NRG1: variants seen among roughly 807,000 people sequenced by gnomAD.
NRG1 encodes neuregulin 1.
In NRG1, 18 loss-of-function variants were observed where a neutral mutation model predicts 63.8. The ratio of observed to expected loss-of-function variants is 0.28; its 90% CI spans 0.19 to 0.42. The LOEUF (loss-of-function observed/expected upper bound fraction) is 0.42, where lower values mean the gene tolerates loss of function less well. Ranked by LOEUF, NRG1 falls within the 10% of genes least tolerant of loss-of-function variation. The pLI is 1.00. For synonymous variants in NRG1, 302 were observed against 301.3 expected, an observed-to-expected ratio of 1.00 and a Z score of -0.02; for missense variants, 762 against 814.7, an observed-to-expected ratio of 0.94 and a Z score of 0.79.
intron 1 of NRG1, among the ~76,000 whole-genome samples, chr8:32,191,474 A>G (rs1842487814): frequency 6.6e-6 from 1 of 151,186 alleles, no homozygotes; most frequent in Non-Finnish European, 1.5e-5. Flanking sequence ...ATGTAAATCG[A>G]CTCTTCCCTT....
At position 31,929,716 on chromosome 8, in the gene NRG1, C is replaced by T. The variant is rs987932725; in HGVS notation, c.37+290285C>T. 5.3e-5 allele frequency among the ~76,000 whole-genome samples: 8 copies of T among 152,272 alleles called. No homozygotes were observed. The South Asian group carries it at 6.2e-4, about 12-fold the overall frequency. On this transcript the variant is annotated intron_variant, in intron 1 of 10. Coordinates refer to the NRG1 transcript ENST00000519301. ...ATAACTTCCTGTTATCCTTTCACTA[C>T]CTTTGATAACACACTAAATTTTTCT...
At chr8:32,032,675 A>T (rs898828467) in intron 1 of NRG1, among the ~76,000 whole-genome samples, 1 of 152,074 alleles carries the variant, frequency 6.6e-6, no homozygotes, top group African/African-American at 2.4e-5. Flanking sequence ...TGGGTGTTAG[A>T]CCTTTGTCAG....
chr8:32,672,374 T>C (rs1347241247), intron 5 of NRG1, among the ~76,000 whole-genome samples: 1 of 152,240 alleles, frequency 6.6e-6, no homozygotes, highest in East Asian at 1.9e-4. Context: ...TTTTTAAATA[T>C]TTTTTATTCA....
At chr8:32,358,351 G>C (rs7824252) in intron 1 of NRG1, among the ~76,000 whole-genome samples, 2 of 114,018 alleles carry the variant, frequency 1.8e-5, no homozygotes, top group African/African-American at 6.8e-5. Context: ...AAGATCAACC[G>C]ATAGAATGCC....
chr8:32,029,382 C>T (rs1013434927), intron 1 of NRG1: 3 of 152,118 alleles, frequency 2.0e-5, no homozygotes, highest in Admixed American at 6.5e-5. Context: ...ATTCCAGAAT[C>T]GGGCAGCCAT....
Position 31,776,196 on chromosome 8 carries a change from G to T in NRG1, c.37+136765G>T, listed in dbSNP as rs144214216. Among the ~76,000 whole-genome samples, 3 of 152,286 alleles carry T rather than the reference G, an allele frequency of 2.0e-5. No individual in the cohort carries two copies. In the East Asian group the frequency reaches 5.8e-4, roughly 29 times the overall value. On this transcript the variant is annotated intron_variant, in intron 1 of 10. Transcript: ENST00000519301. ...AGGGGTTGGCCAAAGCCCTCAGAGG[G>T]TTGTAGGCCATGAAAGTTCGAGAAC...
chr8:31,730,617 G>A (rs1448587488), intron 1 of NRG1, among the ~76,000 whole-genome samples: 1 of 152,070 alleles, frequency 6.6e-6, no homozygotes, highest in South Asian at 2.1e-4. Flanking sequence ...GCAAAACATA[G>A]AAGGATTATA....
chr8:32,246,734 T>C (rs1414867226), intron 1 of NRG1, among the ~76,000 whole-genome samples: 2 of 152,042 alleles, frequency 1.3e-5, no homozygotes, highest in African/African-American at 4.8e-5. Context: ...AAAACAAAGA[T>C]AGTATGTTCT....
At chr8:32,200,775 G>A (rs1029400763) in intron 1 of NRG1, among the ~76,000 whole-genome samples, 25 of 152,160 alleles carry the variant, frequency 1.6e-4, no homozygotes, top group African/African-American at 5.8e-4. Context: ...ATTCCCGTTT[G>A]CATTCCATCA....
At chr8:32,047,258 A>G (rs1408759492) in intron 1 of NRG1, among the ~76,000 whole-genome samples, 1 of 152,048 alleles carries the variant, frequency 6.6e-6, no homozygotes, top group African/African-American at 2.4e-5. Flanking sequence ...CAAAGACTTG[A>G]AAAGGGATCA....
chr8:31,934,477 G>A (rs383414), intron 1 of NRG1, among the ~76,000 whole-genome samples: 118,696 of 139,328 alleles, frequency 0.85, 51,160 homozygotes, highest in Non-Finnish European at 0.91. Context: ...CCAGGCTAGA[G>A]TGCAATGGTG....
At chr8:31,883,990 G>A (rs1321074026) in intron 1 of NRG1, among the ~76,000 whole-genome samples, 1 of 152,006 alleles carries the variant, frequency 6.6e-6, no homozygotes, top group African/African-American at 2.4e-5. Context: ...CCTCTGGAGA[G>A]TGAGACTCTG....
At chr8:32,287,813 C>A (rs1853718100) in intron 1 of NRG1, among the ~76,000 whole-genome samples, 1 of 152,112 alleles carries the variant, frequency 6.6e-6, no homozygotes, top group African/African-American at 2.4e-5. Flanking sequence ...TTATGTGTTG[C>A]TTAATTTGCT....
chr8:32,572,214 A>G (rs375643138), intron 1 of NRG1, among the ~76,000 whole-genome samples: 14 of 152,122 alleles, frequency 9.2e-5, no homozygotes, highest in Admixed American at 9.2e-4. Flanking sequence ...TCCAAAATCT[A>G]TTTTCCTCCA....
chr8:31,676,575 T>C (rs577070529), intron 1 of NRG1, among the ~76,000 whole-genome samples: 34 of 152,272 alleles, frequency 2.2e-4, no homozygotes, highest in Admixed American at 8.5e-4. Context: ...ACCCACCCCA[T>C]ATCTGCTTAA....
At chr8:32,367,267 A>G (rs1224631800) in intron 1 of NRG1, among the ~76,000 whole-genome samples, 2 of 152,174 alleles carry the variant, frequency 1.3e-5, no homozygotes, top group Non-Finnish European at 2.9e-5. Context: ...AATGTATAAG[A>G]GTTCCTTTTT....
At chr8:31,800,739 G>GA (rs576024242) in intron 1 of NRG1, among the ~76,000 whole-genome samples, 1 of 150,530 alleles carries the variant, frequency 6.6e-6, no homozygotes. Context: ...GAAAAATGAG[G>GA]AAAAAAATAG....
intron 1 of NRG1, among the ~76,000 whole-genome samples, chr8:31,858,298 C>CA (rs768034922): frequency 0.045 from 5,169 of 115,784 alleles, 237 homozygotes; most frequent in African/African-American, 0.14. Flanking sequence ...GACTCCGTCT[C>CA]AAAAAAAAAA....
chr8:32,432,394 TAA>T (rs1818255967), intron 1 of NRG1, among the ~76,000 whole-genome samples: 1 of 152,156 alleles, frequency 6.6e-6, no homozygotes, highest in Non-Finnish European at 1.5e-5. Flanking sequence ...AATCTGAACC[TAA>T]GAGAGTTTAA....
Sources: allele counts gnomAD v4.1 joint callset (sites outside exome capture counted in the v4.1 genomes callset), GRCh38; gene constraint gnomAD v4.1.1; transcripts MANE v1.5; gene names NCBI Gene and HGNC (gene_info 2026-07-23, HGNC 2026-07-21).